Variants in PRKCA observed in about 807,000 individuals in gnomAD.
The protein encoded by PRKCA is protein kinase C alpha, also known as protein kinase C alpha type.
A neutral mutation model predicts 87.0 loss-of-function variants in PRKCA; 27 were observed. That is an observed-to-expected ratio of 0.31 (90% confidence interval 0.23 to 0.43). PRKCA has a LOEUF of 0.43. Among genes scored for constraint, PRKCA ranks in the 20% least tolerant of loss-of-function variants. PRKCA has a pLI of 1.00. For missense variants in PRKCA, 518 were observed against 852.3 expected (o/e 0.61, Z 4.88); for synonymous variants, 329 against 311.1 (o/e 1.06, Z -0.61).
At chr17:66,377,625 T>C (rs34119910) in intron 2 of PRKCA, among the ~76,000 whole-genome samples, 81,029 of 141,842 alleles carry the variant, frequency 0.57, 23,883 homozygotes, top group Non-Finnish European at 0.65. Flanking sequence ...CTATATTATA[T>C]ATATGTCTAT....
At chr17:66,464,313 A>G (rs578244333) in intron 2 of PRKCA, among the ~76,000 whole-genome samples, 68 of 152,324 alleles carry the variant, frequency 4.5e-4, no homozygotes, top group Middle Eastern at 3.4e-3. Flanking sequence ...GTTTGGGGCA[A>G]TTATGAAGAA....
chr17:66,309,851 G>A (rs2059079851), intron 2 of PRKCA, among the ~76,000 whole-genome samples: 1 of 152,140 alleles, frequency 6.6e-6, no homozygotes, highest in Admixed American at 6.5e-5. Context: ...TGTGTGGTAT[G>A]GACATTGATG....
At chr17:66,409,884 C>T (rs1911673440) in intron 2 of PRKCA, among the ~76,000 whole-genome samples, 1 of 152,204 alleles carries the variant, frequency 6.6e-6, no homozygotes, top group African/African-American at 2.4e-5. Context: ...CGCCACTGCA[C>T]TCCAGCCTGG....
At chr17:66,339,196 T>TA (rs1229448846) in intron 2 of PRKCA, among the ~76,000 whole-genome samples, 46 of 152,336 alleles carry the variant, frequency 3.0e-4, no homozygotes, top group African/African-American at 1.1e-3. Flanking sequence ...GCAACACTGT[T>TA]ATATCTGGAG....
chr17:66,608,648 C>G (rs1970273536), intron 3 of PRKCA, among the ~76,000 whole-genome samples: 1 of 152,128 alleles, frequency 6.6e-6, no homozygotes, highest in Non-Finnish European at 1.5e-5. Flanking sequence ...AAACAAAAAT[C>G]CTCCAGTTTC....
intron 3 of PRKCA, among the ~76,000 whole-genome samples, chr17:66,557,114 G>C (rs1158230202): frequency 6.6e-6 from 1 of 152,168 alleles, no homozygotes; most frequent in African/African-American, 2.4e-5. Context: ...TCTTCAACTG[G>C]TTGGAAATGG....
At chr17:66,506,498 G>A (rs1017420106) in intron 3 of PRKCA, among the ~76,000 whole-genome samples, 6 of 152,142 alleles carry the variant, frequency 3.9e-5, no homozygotes, top group African/African-American at 1.4e-4. Flanking sequence ...AAAAGTATTC[G>A]TTGAACCAAA....
intron 2 of PRKCA, among the ~76,000 whole-genome samples, chr17:66,316,859 G>A (rs984454773): frequency 3.3e-5 from 5 of 151,948 alleles, no homozygotes; most frequent in Non-Finnish European, 5.9e-5. Context: ...TTAAAAATCA[G>A]CAGCCGGGCG....
At chr17:66,406,953 G>T (rs1035622585) in intron 2 of PRKCA, among the ~76,000 whole-genome samples, 1 of 152,088 alleles carries the variant, frequency 6.6e-6, no homozygotes, top group African/African-American at 2.4e-5. Context: ...ATCTAATTTT[G>T]AGAAAACGAT....
intron 2 of PRKCA, among the ~76,000 whole-genome samples, chr17:66,346,579 T>C (rs1263573434): frequency 6.6e-6 from 1 of 152,064 alleles, no homozygotes; most frequent in Non-Finnish European, 1.5e-5. Flanking sequence ...CTACAGATCC[T>C]AAGAGATGAT....
intron 3 of PRKCA, among the ~76,000 whole-genome samples, chr17:66,620,793 C>T (rs1970657214): frequency 6.6e-6 from 1 of 152,164 alleles, no homozygotes; most frequent in Non-Finnish European, 1.5e-5. Flanking sequence ...AAAATTTCAG[C>T]CAAACATCTT....
chr17:66,659,803 A>G (rs1183842347), intron 5 of PRKCA, among the ~76,000 whole-genome samples: 1 of 152,222 alleles, frequency 6.6e-6, no homozygotes, highest in Non-Finnish European at 1.5e-5. Flanking sequence ...CACCCCATGC[A>G]GCAAAGCCAA....
At chr17:66,388,547 G>A (rs1910191695) in intron 2 of PRKCA, among the ~76,000 whole-genome samples, 1 of 152,094 alleles carries the variant, frequency 6.6e-6, no homozygotes, top group African/African-American at 2.4e-5. Flanking sequence ...ACCCGCCTTA[G>A]CCTCCCAAAG....
chr17:66,356,472 A>G (rs1449714807), intron 2 of PRKCA, among the ~76,000 whole-genome samples: 1 of 152,064 alleles, frequency 6.6e-6, no homozygotes, highest in Admixed American at 6.5e-5. Flanking sequence ...CATCTCTACT[A>G]AAAATACAAA....
intron 8 of PRKCA, chr17:66,703,836 A>G (rs1188684927): frequency 1.3e-5 from 2 of 152,148 alleles, no homozygotes; most frequent in Non-Finnish European, 2.9e-5. Context: ...TAAGATAACA[A>G]TAAAAATATA....
At chr17:66,778,392 T>C (rs1198490781) in intron 14 of PRKCA, 1 of 236,224 alleles carries the variant, frequency 4.2e-6, no homozygotes, top group East Asian at 1.8e-4. Context: ...GGCGGGCGCC[T>C]GTAGTCCCAG....
At chr17:66,767,033 C>T (rs927999534) in intron 13 of PRKCA, among the ~76,000 whole-genome samples, 7 of 152,040 alleles carry the variant, frequency 4.6e-5, no homozygotes, top group Non-Finnish European at 1.0e-4. Flanking sequence ...ATCCCAGTAT[C>T]AATGTATTTG....
chr17:66,460,434 G>A (rs942588432), intron 2 of PRKCA, among the ~76,000 whole-genome samples: 10 of 152,176 alleles, frequency 6.6e-5, no homozygotes, highest in Non-Finnish European at 1.5e-4. Context: ...AAGCGAAGGC[G>A]TGCCACCTCC....
chr17:66,524,161 A>T (rs1413907259), intron 3 of PRKCA, among the ~76,000 whole-genome samples: 1 of 152,168 alleles, frequency 6.6e-6, no homozygotes, highest in African/African-American at 2.4e-5. Flanking sequence ...TGGCTCCAAC[A>T]TTCAACAAAA....
Sources: allele counts gnomAD v4.1 joint callset (sites outside exome capture counted in the v4.1 genomes callset), GRCh38; gene constraint gnomAD v4.1.1; transcripts MANE v1.5; gene names NCBI Gene and HGNC (gene_info 2026-07-23, HGNC 2026-07-21).